The following TRPM3 variants were observed in gnomAD, a reference collection of about 807,000 sequenced individuals.
The protein encoded by TRPM3 is long transient receptor potential channel 3.
Under a neutral mutation model 181.2 loss-of-function variants are expected in TRPM3, and 77 were observed. The observed-to-expected ratio is 0.42, with a 90% confidence interval of 0.35 to 0.51. The LOEUF (loss-of-function observed/expected upper bound fraction) is 0.51. TRPM3 is among the 20% of genes least tolerant of loss of function. The pLI, the probability that TRPM3 is intolerant of heterozygous loss-of-function variation, is 0.01. For missense variants in TRPM3, 1,759 were observed against 2,196.7 expected, an observed-to-expected ratio of 0.80 and a Z score of 3.98; for synonymous variants, 745 against 796.4, an observed-to-expected ratio of 0.94 and a Z score of 1.09.
intron 1 of TRPM3, among the ~76,000 whole-genome samples, chr9:71,358,518 T>C (rs547471863): frequency 1.3e-5 from 2 of 152,348 alleles, no homozygotes; most frequent in Admixed American, 6.5e-5. Flanking sequence ...GCTGCAAGCA[T>C]ACCCATTTGC....
At chr9:70,591,657 G>A (rs909826210) in intron 21 of TRPM3, among the ~76,000 whole-genome samples, 1 of 152,182 alleles carries the variant, frequency 6.6e-6, no homozygotes, top group African/African-American at 2.4e-5. Flanking sequence ...CGACTGCAAT[G>A]CTGTAAACCT....
chr9:71,370,425 A>C (rs544306259), intron 1 of TRPM3, among the ~76,000 whole-genome samples: 1 of 152,344 alleles, frequency 6.6e-6, no homozygotes, highest in South Asian at 2.1e-4. Flanking sequence ...AAATAATAAG[A>C]AAGCAAAACA....
At chr9:70,584,830 C>A (rs1286099623) in intron 22 of TRPM3, among the ~76,000 whole-genome samples, 2 of 152,190 alleles carry the variant, frequency 1.3e-5, no homozygotes, top group Non-Finnish European at 2.9e-5. Context: ...AACCCTAGTC[C>A]CTGTTCCCTC....
intron 1 of TRPM3, among the ~76,000 whole-genome samples, chr9:71,296,697 C>T (rs1008266787): frequency 9.9e-5 from 15 of 152,070 alleles, no homozygotes; most frequent in African/African-American, 3.6e-4. Flanking sequence ...CTATCTGCTA[C>T]TGATAAAAGG....
intron 1 of TRPM3, among the ~76,000 whole-genome samples, chr9:71,026,015 G>A (rs2097893635): frequency 6.6e-6 from 1 of 152,244 alleles, no homozygotes; most frequent in South Asian, 2.1e-4. Context: ...TGGAATCCCA[G>A]CAGGAGGAGA....
intron 9 of TRPM3, among the ~76,000 whole-genome samples, chr9:70,661,436 C>G (rs879819426): frequency 6.6e-6 from 1 of 151,470 alleles, no homozygotes; most frequent in Admixed American, 6.6e-5. Context: ...AAGTCCTAAC[C>G]AGAGCAATCA....
At chr9:71,398,834 G>T (rs1565533646) in intron 1 of TRPM3, among the ~76,000 whole-genome samples, 1 of 151,962 alleles carries the variant, frequency 6.6e-6, no homozygotes, top group African/African-American at 2.4e-5. Flanking sequence ...TAAGACACAG[G>T]TTATGAACAG....
intron 7 of TRPM3, among the ~76,000 whole-genome samples, chr9:70,765,379 T>A (rs924354292): frequency 8.6e-5 from 13 of 151,938 alleles, no homozygotes; most frequent in Non-Finnish European, 1.9e-4. Flanking sequence ...TCACTTGAGG[T>A]CAGGAGTTCA....
chr9:70,670,096 G>GAGAT (rs754566033), intron 9 of TRPM3, among the ~76,000 whole-genome samples: 40 of 152,124 alleles, frequency 2.6e-4, no homozygotes, highest in Non-Finnish European at 5.0e-4. Context: ...GGTGGGGTGT[G>GAGAT]AGATAGTATG....
chr9:70,810,117 C>A (rs368379633), intron 6 of TRPM3: 91 of 532,678 alleles, frequency 1.7e-4, no homozygotes, highest in African/African-American at 1.5e-3. Context: ...CTCTGCTTGC[C>A]TCCACCCCCA....
intron 1 of TRPM3, among the ~76,000 whole-genome samples, chr9:71,387,381 G>A (rs907762209): frequency 6.6e-6 from 1 of 152,106 alleles, no homozygotes; most frequent in Admixed American, 6.6e-5. Flanking sequence ...CTCAGGGAAG[G>A]ACCTAGTGTT....
chr9:70,550,532 G>T (rs2131829064), intron 24 of TRPM3, among the ~76,000 whole-genome samples: 1 of 152,290 alleles, frequency 6.6e-6, no homozygotes, highest in East Asian at 1.9e-4. Flanking sequence ...AAGGTAAATG[G>T]ATTCATAACT....
At chr9:71,150,486 A>C (rs2075674830) in intron 1 of TRPM3, among the ~76,000 whole-genome samples, 1 of 152,150 alleles carries the variant, frequency 6.6e-6, no homozygotes, top group South Asian at 2.1e-4. Flanking sequence ...GGTGAAATTA[A>C]ATTGTAAAGA....
At chr9:71,342,797 A>C (rs1359380280) in intron 1 of TRPM3, among the ~76,000 whole-genome samples, 1 of 152,154 alleles carries the variant, frequency 6.6e-6, no homozygotes, top group African/African-American at 2.4e-5. Flanking sequence ...AGTTGTAAAA[A>C]AATTGGAATG....
chr9:71,224,371 G>A (rs954796075), intron 1 of TRPM3, among the ~76,000 whole-genome samples: 1 of 152,210 alleles, frequency 6.6e-6, no homozygotes, highest in Non-Finnish European at 1.5e-5. Flanking sequence ...TATAGCTAAA[G>A]TGACCACTGG....
chr9:70,917,526 C>G lies in TRPM3; in HGVS notation c.178-53015G>C, dbSNP rs1042266054. The G allele has an allele frequency of 1.5e-5, 10 of 664,414 alleles. No individual in the cohort carries two copies. In the African/African-American group the frequency reaches 2.1e-4, roughly 14 times the overall value. The allele number at this position is 664,414 out of a possible 1,614,324, so 41.2% of individuals were successfully genotyped here. On this transcript the variant is annotated intron_variant, in intron 1 of 25. Coordinates refer to ENST00000677713, the MANE Select transcript of TRPM3 (RefSeq NM_001366145.2). ...GCCACCACGATAACTGGGGCGGGCA[C>G]GCAGCTTTGTTTTCTTCTTTACGCA...
At chr9:70,669,210 C>T (rs976370600) in intron 9 of TRPM3, among the ~76,000 whole-genome samples, 22 of 152,196 alleles carry the variant, frequency 1.4e-4, no homozygotes, top group Admixed American at 1.4e-3. Flanking sequence ...GATTCCAGTT[C>T]TTCCTTCAAA....
At chr9:70,810,560 C>T (rs1482950705) in intron 6 of TRPM3, among the ~76,000 whole-genome samples, 2 of 152,098 alleles carry the variant, frequency 1.3e-5, no homozygotes, top group Non-Finnish European at 2.9e-5. Flanking sequence ...TGCTTGATGA[C>T]TCATTCCAAC....
chr9:71,163,163 A>C (rs2134722473), intron 1 of TRPM3, among the ~76,000 whole-genome samples: 1 of 152,316 alleles, frequency 6.6e-6, no homozygotes, highest in Admixed American at 6.5e-5. Context: ...ATGATTAAAA[A>C]TTCACCTTGG....
Sources: gnomAD v4.1 joint callset for allele counts (sites outside exome capture counted in the v4.1 genomes callset) on GRCh38, gnomAD v4.1.1 for gene constraint, MANE v1.5 for transcripts, NCBI Gene and HGNC (gene_info 2026-07-23, HGNC 2026-07-21) for gene names.